The following MTNAP1 variants were observed in gnomAD, a reference collection of about 807,000 sequenced individuals.
MTNAP1 encodes the protein mitochondrial nucleoid-associated protein 1.
chr17:73,236,304 C>T, the MTNAP1 span: 4 of 1,614,118 alleles, frequency 2.5e-6, no homozygotes, highest in East Asian at 2.2e-5. Flanking sequence ...CAGAAAAGAA[C>T]ACAGAATCCC....
At chr17:73,239,762 C>G in the MTNAP1 span, among the ~76,000 whole-genome samples, 5 of 152,010 alleles carry the variant, frequency 3.3e-5, no homozygotes, top group Non-Finnish European at 2.9e-5. Context: ...CTCAGGTGAT[C>G]CTCCCGCCTT....
the MTNAP1 span, chr17:73,248,313 G>A: frequency 1.6e-6 from 1 of 610,492 alleles, no homozygotes; most frequent in African/African-American, 1.9e-5. Context: ...GTGTGAGGCG[G>A]GGTAACTACT....
At chr17:73,244,191 A>G in the MTNAP1 span, among the ~76,000 whole-genome samples, 1 of 152,222 alleles carries the variant, frequency 6.6e-6, no homozygotes, top group Admixed American at 6.5e-5. Context: ...CCTTCTAGTT[A>G]AAAAGATGAG....
At chr17:73,242,848 C>A in the MTNAP1 span, 1 of 1,477,320 alleles carries the variant, frequency 6.8e-7, no homozygotes, top group Non-Finnish European at 9.4e-7. Context: ...CGGATACTGG[C>A]CCTAGTTTCA....
the MTNAP1 span, chr17:73,236,399 C>A: frequency 6.2e-7 from 1 of 1,613,924 alleles, no homozygotes; most frequent in Non-Finnish European, 8.5e-7. Context: ...GGAGTAGAGA[C>A]GTGTGGGAGC....
chr17:73,247,637 C>A, the MTNAP1 span: 1 of 249,942 alleles, frequency 4.0e-6, no homozygotes, highest in Admixed American at 5.0e-5. Flanking sequence ...ATCCATGAGT[C>A]CTAAAAGGAT....
chr17:73,248,672 TTAC>T, the MTNAP1 span: 7 of 880,530 alleles, frequency 7.9e-6, no homozygotes, highest in Admixed American at 1.1e-4. Flanking sequence ...GAAGGTTCTG[TTAC>T]TACAAGTTGG....
the MTNAP1 span, chr17:73,248,437 A>T: frequency 6.8e-7 from 1 of 1,464,168 alleles, no homozygotes; most frequent in East Asian, 2.5e-5. Flanking sequence ...AGGGGGTAAA[A>T]GTCGTGTTCT....
the MTNAP1 span, among the ~76,000 whole-genome samples, chr17:73,237,387 T>C: frequency 6.6e-6 from 1 of 151,894 alleles, no homozygotes; most frequent in Admixed American, 6.6e-5. Flanking sequence ...GTGAGCCGAG[T>C]ATGTGCCACT....
chr17:73,234,559 C>T, the MTNAP1 span, among the ~76,000 whole-genome samples: 3 of 151,752 alleles, frequency 2.0e-5, no homozygotes, highest in African/African-American at 4.8e-5. Flanking sequence ...GGCGTGGTGG[C>T]GCATGCCTGT....
the MTNAP1 span, among the ~76,000 whole-genome samples, chr17:73,237,157 T>C: frequency 6.6e-6 from 1 of 152,268 alleles, no homozygotes; most frequent in African/African-American, 2.4e-5. Flanking sequence ...AGAGGCTGGG[T>C]GTAGTGGCTC....
At chr17:73,238,617 T>A in the MTNAP1 span, among the ~76,000 whole-genome samples, 1 of 152,252 alleles carries the variant, frequency 6.6e-6, no homozygotes, top group Non-Finnish European at 1.5e-5. Flanking sequence ...TTCTCCGTAA[T>A]AAACACATTT....
chr17:73,245,177 G>T, the MTNAP1 span: 1 of 1,613,522 alleles, frequency 6.2e-7, no homozygotes, highest in Non-Finnish European at 8.5e-7. Context: ...GAGCTGCAGC[G>T]GTGGCGTAAG....
the MTNAP1 span, chr17:73,245,795 G>A: frequency 1.2e-6 from 1 of 824,202 alleles, no homozygotes; most frequent in Non-Finnish European, 1.5e-6. Context: ...TAACTATAAT[G>A]TTAAATCACA....
At chr17:73,238,415 C>A in the MTNAP1 span, among the ~76,000 whole-genome samples, 1 of 152,176 alleles carries the variant, frequency 6.6e-6, no homozygotes, top group Non-Finnish European at 1.5e-5. Context: ...AAAGGGAAAT[C>A]ATTTTCTTCT....
chr17:73,233,133 A>C, the MTNAP1 span: 1 of 152,240 alleles, frequency 6.6e-6, no homozygotes, highest in African/African-American at 2.4e-5. Flanking sequence ...GCTTTCCGGA[A>C]CCTGTGTTTC....
the MTNAP1 span, among the ~76,000 whole-genome samples, chr17:73,237,901 C>T: frequency 2.0e-5 from 3 of 151,924 alleles, no homozygotes; most frequent in Admixed American, 1.3e-4. Context: ...GGACCAGAAA[C>T]GGAGGATGTG....
At chr17:73,243,754 C>T in the MTNAP1 span, among the ~76,000 whole-genome samples, 10 of 151,868 alleles carry the variant, frequency 6.6e-5, no homozygotes, top group Non-Finnish European at 1.3e-4. Flanking sequence ...AGGCTAGTCT[C>T]GAACTCCTGA....
the MTNAP1 span, among the ~76,000 whole-genome samples, chr17:73,244,300 C>T: frequency 2.0e-5 from 3 of 151,968 alleles, no homozygotes; most frequent in African/African-American, 2.4e-5. Flanking sequence ...CGGTGGCTCA[C>T]GCCTGTAATC....
Sources: gnomAD v4.1 joint callset for allele counts (sites outside exome capture counted in the v4.1 genomes callset) on GRCh38, gnomAD v4.1.1 for gene constraint, MANE v1.5 for transcripts, NCBI Gene and HGNC (gene_info 2026-07-23, HGNC 2026-07-21) for gene names.